The following FSHR variants were observed in gnomAD, a reference collection of about 807,000 sequenced individuals.
The protein encoded by FSHR is follicle-stimulating hormone receptor.
FSHR carries 46 observed loss-of-function variants against 52.1 expected under a neutral mutation model. The ratio of observed to expected loss-of-function variants is 0.88; its 90% confidence interval spans 0.70 to 1.13. The LOEUF (loss-of-function observed/expected upper bound fraction) is 1.13. FSHR is among the 50% of genes most tolerant of loss of function. The probability of loss-of-function intolerance (pLI) is 0.00; values close to 1 mark genes in which losing one functional copy is unlikely to be tolerated. For synonymous variants in FSHR, 399 were observed against 309.6 expected (o/e 1.29, Z -3.03); for missense variants, 964 against 834.6 (o/e 1.16, Z -1.91).
intron 2 of FSHR, 58 bp downstream of exon 2, chr2:49,068,161 G>C: frequency 7.6e-7 from 1 of 1,318,054 alleles, no homozygotes; most frequent in Admixed American, 1.7e-5. Context: ...GATGTGGTCT[G>C]AGGTTGCTCC....
At chr2:49,074,055 C>T in intron 1 of FSHR, among the ~76,000 whole-genome samples, 1 of 151,958 alleles carries the variant, frequency 6.6e-6, no homozygotes, top group East Asian at 1.9e-4. Context: ...GACTCAGAGA[C>T]CTAAATATAA....
intron 2 of FSHR, among the ~76,000 whole-genome samples, chr2:49,036,086 AG>A (rs547463260): frequency 2.1e-4 from 32 of 152,376 alleles, no homozygotes; most frequent in African/African-American, 7.2e-4. Flanking sequence ...TCTAACAAAA[AG>A]AAAGGTAGAT....
chr2:49,036,449 T>A (rs1056387517), intron 2 of FSHR, among the ~76,000 whole-genome samples: 1 of 151,658 alleles, frequency 6.6e-6, no homozygotes, highest in Non-Finnish European at 1.5e-5. Context: ...AATTAAAAAA[T>A]CATGTTATAT....
Position 49,003,544 on chromosome 2 carries a change from T to C in FSHR, c.375-12907A>G, listed in dbSNP as rs946480873. ...GGCAGCTGGGACAATTCAGCTAGAATATTCCTGTACCAGGATCTTATCGCC... is the reference window on the plus strand; with the variant it reads ...GGCAGCTGGGACAATTCAGCTAGAACATTCCTGTACCAGGATCTTATCGCC... On this transcript the variant is annotated intron_variant, in intron 4 of 9. Transcript: ENST00000406846. 2.6e-5 allele frequency among the ~76,000 whole-genome samples: 4 copies of C among 152,250 alleles called. No individual in the cohort carries two copies. In the South Asian group the frequency reaches 6.2e-4, roughly 24 times the overall value.
intron 1 of FSHR, among the ~76,000 whole-genome samples, chr2:49,102,497 G>T (rs911632363): frequency 3.3e-5 from 5 of 152,120 alleles, no homozygotes; most frequent in Admixed American, 1.3e-4. Flanking sequence ...AAAAATGTGA[G>T]ACTTGGTAAG....
At chr2:48,993,894 C>T (rs1162908459) in intron 4 of FSHR, among the ~76,000 whole-genome samples, 1 of 152,174 alleles carries the variant, frequency 6.6e-6, no homozygotes, top group Admixed American at 6.5e-5. Context: ...CAAAAAGGAG[C>T]TCCATATATG....
intron 4 of FSHR, among the ~76,000 whole-genome samples, chr2:48,993,504 C>A (rs559299701): frequency 1.3e-5 from 2 of 152,246 alleles, no homozygotes; most frequent in Admixed American, 6.5e-5. Context: ...TCCACTGACA[C>A]CATTCCCAAA....
At chr2:49,142,479 C>T (rs930216940) in intron 1 of FSHR, among the ~76,000 whole-genome samples, 6 of 152,158 alleles carry the variant, frequency 3.9e-5, no homozygotes, top group Non-Finnish European at 4.4e-5. Flanking sequence ...GCTTTGTAGT[C>T]ATGGCAAAGC....
At chr2:49,061,659 CTATA>C (rs1168553835) in intron 2 of FSHR, among the ~76,000 whole-genome samples, 3 of 137,264 alleles carry the variant, frequency 2.2e-5, no homozygotes, top group Non-Finnish European at 4.7e-5. Context: ...CTATATATAA[CTATA>C]TATTTATAAC....
At chr2:49,011,014 G>A (rs1278990519) in intron 4 of FSHR, among the ~76,000 whole-genome samples, 3 of 150,724 alleles carry the variant, frequency 2.0e-5, no homozygotes, top group Non-Finnish European at 3.0e-5. Context: ...AGGGTTTTTT[G>A]TGTCTCTATT....
intron 2 of FSHR, among the ~76,000 whole-genome samples, chr2:49,025,712 A>T (rs1450151273): frequency 3.9e-5 from 6 of 152,300 alleles, no homozygotes; most frequent in African/African-American, 1.4e-4. Context: ...CTCTACTGGC[A>T]AAGGTCCTAG....
intron 1 of FSHR, among the ~76,000 whole-genome samples, chr2:49,085,949 C>T (rs1670369256): frequency 1.4e-5 from 2 of 146,746 alleles, no homozygotes; most frequent in South Asian, 4.3e-4. Context: ...GAACATCACA[C>T]ACTGGGGCCT....
At chr2:49,024,448 C>T (rs774985229) in intron 2 of FSHR, among the ~76,000 whole-genome samples, 1 of 152,046 alleles carries the variant, frequency 6.6e-6, no homozygotes, top group East Asian at 1.9e-4. Flanking sequence ...GTGGTGCATG[C>T]CTGTGCTCCC....
At position 48,972,283 on chromosome 2, in the gene FSHR, A is replaced by T. The variant is rs544865635; in HGVS notation, c.669-3400T>A. ...TTTATACCACATACATCTGGAATCT[A>T]ATTACTTCTCACAACACTCATTGCT... On this transcript the variant is annotated intron_variant, in intron 8 of 9. Coordinates refer to ENST00000406846, the MANE Select transcript of FSHR (RefSeq NM_000145.4). Among the ~76,000 whole-genome samples the T allele has an allele frequency of 2.0e-5, 3 of 152,300 alleles. No homozygotes were observed. The South Asian group carries it at 6.2e-4, about 32-fold the overall frequency.
At chr2:49,057,105 G>A (rs1021394784) in intron 2 of FSHR, among the ~76,000 whole-genome samples, 1 of 151,656 alleles carries the variant, frequency 6.6e-6, no homozygotes, top group Non-Finnish European at 1.5e-5. Context: ...GCAACTCAAG[G>A]AACTAAAAAA....
chr2:49,104,211 G>A (rs1335388249), intron 1 of FSHR, among the ~76,000 whole-genome samples: 2 of 152,080 alleles, frequency 1.3e-5, no homozygotes, highest in African/African-American at 4.8e-5. Context: ...CTTGAAGCTG[G>A]CAAGTTGCTT....
At chr2:49,008,052 GT>G (rs1667130819) in intron 4 of FSHR, among the ~76,000 whole-genome samples, 1 of 150,382 alleles carries the variant, frequency 6.6e-6, no homozygotes, top group Non-Finnish European at 1.5e-5. Flanking sequence ...TATACTTTAA[GT>G]TTTAGGGTAC....
intron 2 of FSHR, among the ~76,000 whole-genome samples, chr2:49,049,705 A>T (rs1668783983): frequency 6.6e-6 from 1 of 152,034 alleles, no homozygotes; most frequent in Non-Finnish European, 1.5e-5. Context: ...AACCTCATGG[A>T]TAAAGCGTAA....
chr2:49,037,197 A>T (rs1668298906), intron 2 of FSHR, among the ~76,000 whole-genome samples: 1 of 152,226 alleles, frequency 6.6e-6, no homozygotes, highest in African/African-American at 2.4e-5. Context: ...ACCTGCAAAT[A>T]TTTATAACAT....
Sources: gnomAD v4.1 joint callset for allele counts (sites outside exome capture counted in the v4.1 genomes callset) on GRCh38, gnomAD v4.1.1 for gene constraint, MANE v1.5 for transcripts, NCBI Gene and HGNC (gene_info 2026-07-23, HGNC 2026-07-21) for gene names.